Variants in CELF1 observed in about 807,000 individuals in gnomAD.
CELF1 encodes the protein 50 kDa nuclear polyadenylated RNA-binding protein.
CELF1 carries 10 observed loss-of-function variants against 61.8 expected under a neutral mutation model. That is an observed-to-expected ratio of 0.16 (90% confidence interval 0.10 to 0.27). The LOEUF (loss-of-function observed/expected upper bound fraction) is 0.27. Among genes scored for constraint, CELF1 ranks in the 10% least tolerant of loss-of-function variants. The probability of loss-of-function intolerance (pLI) is 1.00; values close to 1 mark genes in which losing one functional copy is unlikely to be tolerated. For missense variants in CELF1, 380 were observed against 639.1 expected (o/e 0.59, Z 4.37); for synonymous variants, 236 against 225.1 (o/e 1.05, Z -0.43).
chr11:47,472,557 T>A (rs578240667), intron 14 of CELF1, among the ~76,000 whole-genome samples, 200 bp from the exon 15 acceptor site: 54 of 152,296 alleles, frequency 3.5e-4, no homozygotes, highest in Non-Finnish European at 6.6e-4. Context: ...AATTTAAAGG[T>A]TTTTTTCTTT....
At chr11:47,551,517 T>C (rs960966320) in intron 1 of CELF1, among the ~76,000 whole-genome samples, 9 of 152,238 alleles carry the variant, frequency 5.9e-5, no homozygotes, top group East Asian at 3.8e-4. Flanking sequence ...TGTAATTCCA[T>C]GATTTTCTAA....
At chr11:47,485,731 A>C (rs2086419770) in intron 6 of CELF1, among the ~76,000 whole-genome samples, 1 of 151,494 alleles carries the variant, frequency 6.6e-6, no homozygotes, top group Admixed American at 6.6e-5. Flanking sequence ...ACAGGCATGC[A>C]CCACCACACT....
At chr11:47,526,917 G>A (rs1214401784) in intron 1 of CELF1, among the ~76,000 whole-genome samples, 2 of 152,052 alleles carry the variant, frequency 1.3e-5, no homozygotes. Flanking sequence ...TGGGCGTGGG[G>A]GCGCGTGCCT....
At chr11:47,484,092 G>C (rs1417521118) in intron 7 of CELF1, among the ~76,000 whole-genome samples, 13 of 152,160 alleles carry the variant, frequency 8.5e-5, no homozygotes, top group African/African-American at 2.9e-4. Flanking sequence ...TGGCACTTTG[G>C]GAGGCCAAGA....
At chr11:47,555,422 T>C (rs982225524), upstream of CELF1, among the ~76,000 whole-genome samples, 2 of 152,228 alleles carry the variant, frequency 1.3e-5, no homozygotes, top group African/African-American at 4.8e-5. Flanking sequence ...CTATTCTATC[T>C]GTGCCTTGAC....
At chr11:47,552,625 G>A (rs1213248984) in intron 1 of CELF1, among the ~76,000 whole-genome samples, 1 of 152,230 alleles carries the variant, frequency 6.6e-6, no homozygotes, top group Non-Finnish European at 1.5e-5. Flanking sequence ...GGTAGCCTGG[G>A]TCCAGCACGG....
chr11:47,483,350 C>G (rs1016191019), intron 8 of CELF1, 103 bp downstream of exon 8: 1 of 869,212 alleles, frequency 1.2e-6, no homozygotes, highest in South Asian at 1.4e-5. Context: ...GCTGTTTAAC[C>G]TTCTGGGCAA....
chr11:47,474,892 C>T (rs1320048574), intron 13 of CELF1, among the ~76,000 whole-genome samples: 1 of 152,220 alleles, frequency 6.6e-6, no homozygotes, highest in African/African-American at 2.4e-5. Context: ...TGTCCCATCA[C>T]CCCTCAGTTT....
chr11:47,489,090 C>G, intron 3 of CELF1, 66 bp from the exon 4 acceptor site: 1 of 1,304,638 alleles, frequency 7.7e-7, no homozygotes, highest in South Asian at 1.7e-5. Context: ...ATTTTCTTTT[C>G]TTTAATGATC....
upstream of CELF1, among the ~76,000 whole-genome samples, chr11:47,556,466 C>T (rs751841195): frequency 1.3e-5 from 2 of 152,150 alleles, no homozygotes; most frequent in Admixed American, 6.5e-5. Context: ...ATTACAGGTG[C>T]GAGCCATGAC....
chr11:47,476,943 G>A lies in CELF1; in HGVS notation c.990C>T (p.Ser330=), dbSNP rs149254035. The change falls in exon 12 of 15, where the codon AGC becomes AGT. Residue 330 remains serine (S), a synonymous_variant. Coordinates refer to ENST00000687097, the MANE Select transcript of CELF1 (RefSeq NM_001376376.1). ...GGTTGACAGAATTACTGCTGCTAGA[G>A]CTAGGTGAGGACCCTGCTATTAGAA... The part of the protein sequence containing the change: ...VLTSSAGSSP[S]SSSSNSVNPI... The A allele has an allele frequency of 4.3e-6, 7 of 1,613,850 alleles. No individual in the cohort carries two copies. The African/African-American group carries it at 8.0e-5, about 18-fold the overall frequency.
intron 1 of CELF1, among the ~76,000 whole-genome samples, chr11:47,503,799 G>A (rs2094203025): frequency 6.6e-6 from 1 of 152,124 alleles, no homozygotes; most frequent in Admixed American, 6.5e-5. Flanking sequence ...GGTAAAATAT[G>A]GTGACACAAA....
chr11:47,484,213 G>T (rs1328024511), intron 7 of CELF1, among the ~76,000 whole-genome samples, 176 bp downstream of exon 7: 1 of 151,702 alleles, frequency 6.6e-6, no homozygotes, highest in Admixed American at 6.6e-5. Flanking sequence ...CATGCCTGTG[G>T]TCCCAGCTAC....
rs925927122 is a variant in CELF1, at chr11:47,500,899, C to A, written c.-120G>T. On this transcript the variant is annotated 5_prime_UTR_variant, in exon 2 of 15. Transcript: ENST00000687097. Reference sequence around the variant, plus strand: ...CTTCACCCAAGCTCAGTTCACAACACAGGGAACTTTGAAAAAAAGAAGTTA... The same window carrying A: ...CTTCACCCAAGCTCAGTTCACAACAAAGGGAACTTTGAAAAAAAGAAGTTA... 3 of 397,722 alleles carry A rather than the reference C, an allele frequency of 7.5e-6. No homozygotes were observed. Among genetic ancestry groups the A allele is most frequent in the Non-Finnish European group, 8.9e-6 (2 of 225,960 alleles). The allele number at this position is 397,722 out of a possible 1,614,324, so 24.6% of individuals were successfully genotyped here.
At chr11:47,538,589 G>A (rs570164762) in intron 1 of CELF1, among the ~76,000 whole-genome samples, 61 of 144,992 alleles carry the variant, frequency 4.2e-4, no homozygotes, top group African/African-American at 1.5e-3. Context: ...CTTGCAGTGA[G>A]CCGAGATCGC....
At chr11:47,497,924 A>T (rs1358742994) in intron 3 of CELF1, among the ~76,000 whole-genome samples, 1 of 152,208 alleles carries the variant, frequency 6.6e-6, no homozygotes, top group East Asian at 1.9e-4. Flanking sequence ...AAAGCACAGG[A>T]AGTATTACAA....
At chr11:47,495,882 C>T (rs1400150532) in intron 3 of CELF1, 1 of 566,692 alleles carries the variant, frequency 1.8e-6, no homozygotes, top group Non-Finnish European at 2.2e-6. Context: ...TTCACTCCCC[C>T]TTTCTCATTA....
chr11:47,560,974 T>C (rs1437435952), intron 2 of CELF1, among the ~76,000 whole-genome samples: 1 of 148,436 alleles, frequency 6.7e-6, no homozygotes, highest in Non-Finnish European at 1.5e-5. Flanking sequence ...CCGTCTCTAC[T>C]AAAAATACAA....
Position 47,475,406 on chromosome 11 carries a change from CGCA to C in CELF1, c.1200_1202del (p.Ala401del). ...GATTCTGGTTGTACAGAGTGGGGAGCGCAGCAGCAGCATATTGCTGGATACCCG... is the reference window on the plus strand; with the variant it reads ...GATTCTGGTTGTACAGAGTGGGGAGCGCAGCAGCATATTGCTGGATACCCG... On this transcript the variant is annotated inframe_deletion, in exon 13 of 15. Transcript: ENST00000687097. The C allele has an allele frequency of 6.2e-7, 1 of 1,614,022 alleles. No individual in the cohort carries two copies. Among genetic ancestry groups the C allele is most frequent in the Non-Finnish European group, 8.5e-7 (1 of 1,180,016 alleles).
Sources: gnomAD v4.1 joint callset for allele counts (sites outside exome capture counted in the v4.1 genomes callset) on GRCh38, gnomAD v4.1.1 for gene constraint, MANE v1.5 for transcripts, NCBI Gene and HGNC (gene_info 2026-07-23, HGNC 2026-07-21) for gene names.